The following RAB12 variants were observed in gnomAD, a reference collection of about 807,000 sequenced individuals.
RAB12 encodes ras-related protein Rab-12.
In RAB12, 11 loss-of-function variants were observed where a neutral mutation model predicts 28.4. That is an observed-to-expected ratio of 0.39 (90% CI 0.24 to 0.64). The LOEUF (loss-of-function observed/expected upper bound fraction) is 0.64. RAB12 is among the 30% of genes least tolerant of loss of function. The pLI is 0.50. For synonymous variants in RAB12, 138 were observed against 145.3 expected (o/e 0.95, Z 0.36); for missense variants, 276 against 351.1 (o/e 0.79, Z 1.71).
chr18:8,610,069 G>A, intron 1 of RAB12, 116 bp downstream of exon 1: 2 of 739,056 alleles, frequency 2.7e-6, no homozygotes, highest in Non-Finnish European at 4.4e-6. Flanking sequence ...GGGCCTCTCG[G>A]TGAAACTAGG....
intron 3 of RAB12, 43 bp from the exon 4 acceptor site, chr18:8,635,490 C>T (rs748940466): frequency 9.5e-5 from 132 of 1,393,824 alleles, no homozygotes; most frequent in South Asian, 4.7e-5. Context: ...CAGTATATGG[C>T]GATGCCCATC....
intron 1 of RAB12, among the ~76,000 whole-genome samples, chr18:8,610,224 C>T (rs1206692632): frequency 6.6e-6 from 1 of 152,132 alleles, no homozygotes; most frequent in African/African-American, 2.4e-5. Context: ...GGCGGCTCTC[C>T]ACGGAAACTT....
intron 2 of RAB12, among the ~76,000 whole-genome samples, chr18:8,632,282 CAA>C (rs397859076): frequency 9.2e-4 from 54 of 58,772 alleles, no homozygotes; most frequent in Admixed American, 9.4e-4. Flanking sequence ...ACTCTGTCTC[CAA>C]AAAAAAAAAA....
intron 5 of RAB12, 126 bp downstream of exon 5, chr18:8,636,483 C>A: frequency 3.2e-6 from 2 of 626,282 alleles, no homozygotes; most frequent in East Asian, 3.1e-5. Flanking sequence ...GCGCAAGAAC[C>A]AGGTATGGTT....
chr18:8,622,807 C>T (rs1178866377), intron 1 of RAB12, among the ~76,000 whole-genome samples: 6 of 152,130 alleles, frequency 3.9e-5, no homozygotes, highest in South Asian at 2.1e-4. Flanking sequence ...AAGACGGCCA[C>T]GCCCAGGGCC....
intron 2 of RAB12, among the ~76,000 whole-genome samples, chr18:8,625,885 G>T (rs1438289286): frequency 1.3e-5 from 2 of 152,092 alleles, no homozygotes; most frequent in African/African-American, 4.8e-5. Flanking sequence ...TGGCATCATC[G>T]GTCACCTAAT....
chr18:8,621,819 C>CTA (rs10660350), intron 1 of RAB12, among the ~76,000 whole-genome samples: 71,474 of 151,772 alleles, frequency 0.47, 18,565 homozygotes, highest in East Asian at 0.66. Flanking sequence ...TTCTTTTTGT[C>CTA]TGAGTACTCA....
intron 1 of RAB12, among the ~76,000 whole-genome samples, chr18:8,620,387 TC>T (rs1225045541): frequency 1.3e-5 from 2 of 152,010 alleles, no homozygotes; most frequent in African/African-American, 4.8e-5. Flanking sequence ...GTTACCGTAA[TC>T]CTCTGAGATT....
At chr18:8,627,170 T>C (rs796846861) in intron 2 of RAB12, among the ~76,000 whole-genome samples, 20 of 152,362 alleles carry the variant, frequency 1.3e-4, no homozygotes, top group African/African-American at 4.8e-4. Flanking sequence ...GCACAGCCCT[T>C]GTGCTGCTGC....
At chr18:8,635,274 A>G in intron 3 of RAB12, 1 of 264,120 alleles carries the variant, frequency 3.8e-6, no homozygotes, top group Non-Finnish European at 7.1e-6. Flanking sequence ...TTTCCTTAGG[A>G]AGAGGTCTTG....
chr18:8,639,152 T>TTG lies in RAB12; in HGVS notation c.*891_*892insGT, dbSNP rs1567898866. On this transcript the variant is annotated 3_prime_UTR_variant, in exon 6 of 6. Coordinates refer to ENST00000649141, the MANE Select transcript of RAB12 (RefSeq NM_001025300.3). ...GATTAAGCCTAGACTGTGTTCTTTTTTTTTTTTTTTTTTTTTTTTTTTTTT... is the reference window on the plus strand; with the variant it reads ...GATTAAGCCTAGACTGTGTTCTTTTTTGTTTTTTTTTTTTTTTTTTTTTTTTT... The TTG allele has an allele frequency of 2.4e-5, 2 of 84,150 alleles. No individual in the cohort carries two copies. Among genetic ancestry groups the TTG allele is most frequent in the East Asian group, 6.0e-4 (2 of 3,342 alleles). 5.2% of individuals were successfully genotyped at this position (84,150 alleles called of 1,614,324 possible).
In RAB12 at chr18:8,635,589, G is replaced by A. The variant is rs113631201; in HGVS notation, c.771G>A (p.Thr257=). The part of the protein sequence containing the change: ...LLVGNKLDCE[T]DREITRQQGE... ...TTGGAAATAAGTTGGACTGTGAAAC[G>A]GACAGAGAAATCACCAGGCAGCAGG... The change falls in exon 4 of 6, where the codon ACG becomes ACA. Residue 257 remains threonine (T), a synonymous_variant. Coordinates refer to ENST00000649141, the MANE Select transcript of RAB12 (RefSeq NM_001025300.3). 8.1e-6 allele frequency: 13 copies of A among 1,612,516 alleles called. No homozygotes were observed. Among genetic ancestry groups the A allele is most frequent in the East Asian group, 2.2e-5 (1 of 44,828 alleles).
rs2096020788 is a variant in RAB12 at position 8,639,144 on chromosome 18, GTTCTTTTTTTTTT to G, written c.*885_*897del. 1 of 16,558 alleles carries G rather than the reference GTTCTTTTTTTTTT, an allele frequency of 6.0e-5. No homozygotes were observed. Among genetic ancestry groups the G allele is most frequent in the Non-Finnish European group, 1.3e-4 (1 of 7,628 alleles). The allele number at this position is 16,558 out of a possible 1,614,324, so 1.0% of individuals were successfully genotyped here. ...CTTATTCTGATTAAGCCTAGACTGT[GTTCTTTTTTTTTT>G]TTTTTTTTTTTTTTTTTTTTTTTTT... On this transcript the variant is annotated 3_prime_UTR_variant, in exon 6 of 6. Coordinates refer to ENST00000649141, the MANE Select transcript of RAB12 (RefSeq NM_001025300.3).
intron 1 of RAB12, among the ~76,000 whole-genome samples, chr18:8,615,335 T>A (rs961380764): frequency 6.6e-6 from 1 of 152,190 alleles, no homozygotes; most frequent in Non-Finnish European, 1.5e-5. Flanking sequence ...GGCAGAGATT[T>A]TTGTTAGAAA....
At chr18:8,629,962 G>C (rs1415567639) in intron 2 of RAB12, among the ~76,000 whole-genome samples, 1 of 152,220 alleles carries the variant, frequency 6.6e-6, no homozygotes, top group Non-Finnish European at 1.5e-5. Flanking sequence ...AAATCGCTTT[G>C]CAAGTGTTAG....
At position 8,634,393 on chromosome 18, in the gene RAB12, A is replaced by G. The variant is rs2096017761; in HGVS notation, c.714+1066A>G. Among the ~76,000 whole-genome samples the G allele has an allele frequency of 2.7e-5, 4 of 147,734 alleles. No individual in the cohort carries two copies. In the South Asian group the frequency reaches 6.5e-4, roughly 24 times the overall value. On this transcript the variant is annotated intron_variant, in intron 3 of 5. Transcript: ENST00000649141. ...TGCCCCAGCCTGCTCTGCACTGGGCATCAGTCATACCAGGCCCTCCATTGG... is the reference window on the plus strand; with the variant it reads ...TGCCCCAGCCTGCTCTGCACTGGGCGTCAGTCATACCAGGCCCTCCATTGG...
intron 2 of RAB12, 118 bp downstream of exon 2, chr18:8,625,116 C>T: frequency 1.6e-6 from 1 of 639,372 alleles, no homozygotes; most frequent in Non-Finnish European, 2.7e-6. Context: ...CTCTTTTGCT[C>T]ATTTTAAAAT....
In RAB12 at chr18:8,638,463, T is replaced by C; in HGVS notation, c.*201T>C. ...CCTATTTCCCTCCAAATTATTATAT[T>C]TCATTCATTACCCCAGTGTCTAGTG... On this transcript the variant is annotated 3_prime_UTR_variant, in exon 6 of 6. Transcript: ENST00000649141. 1.8e-6 allele frequency: 1 copy of C among 543,074 alleles called. No homozygotes were observed. The highest frequency in any genetic ancestry group is 3.3e-6 in the Non-Finnish European group (1 of 301,898). The allele number at this position is 543,074 out of a possible 1,614,324, so 33.6% of individuals were successfully genotyped here.
intron 1 of RAB12, among the ~76,000 whole-genome samples, chr18:8,623,939 TG>T (rs1416846108): frequency 6.6e-6 from 1 of 152,260 alleles, no homozygotes; most frequent in African/African-American, 2.4e-5. Flanking sequence ...ATCGGTCACA[TG>T]TCTTCCACTT....
Sources: allele counts gnomAD v4.1 joint callset (sites outside exome capture counted in the v4.1 genomes callset), GRCh38; gene constraint gnomAD v4.1.1; transcripts MANE v1.5; gene names NCBI Gene and HGNC (gene_info 2026-07-23, HGNC 2026-07-21).